ADAM23: variants seen among roughly 807,000 people sequenced by gnomAD.
ADAM23 encodes disintegrin and metalloproteinase domain-containing protein 23.
ADAM23 carries 33 observed loss-of-function variants against 120.1 expected under a neutral mutation model. The ratio of observed to expected loss-of-function variants is 0.27; its 90% CI spans 0.21 to 0.37. The LOEUF is 0.37. Among genes scored for constraint, ADAM23 ranks in the 10% least tolerant of loss-of-function variants. ADAM23 has a pLI of 1.00. For missense variants in ADAM23, 862 were observed against 1,058.2 expected (o/e 0.81, Z 2.57); for synonymous variants, 367 against 375.2 (o/e 0.98, Z 0.25).
At chr2:206,480,598 A>G (rs1001893078) in intron 2 of ADAM23, among the ~76,000 whole-genome samples, 2 of 152,124 alleles carry the variant, frequency 1.3e-5, no homozygotes, top group Non-Finnish European at 2.9e-5. Flanking sequence ...ACATCTAGTA[A>G]ATAGGATTCA....
At chr2:206,533,509 T>C (rs991990414) in intron 4 of ADAM23, among the ~76,000 whole-genome samples, 2 of 152,186 alleles carry the variant, frequency 1.3e-5, no homozygotes, top group African/African-American at 4.8e-5. Context: ...GGCTCAAAGA[T>C]CTCAAATTGT....
chr2:206,448,611 C>T lies in ADAM23; in HGVS notation c.432+3087C>T, dbSNP rs567401998. ...CACATTATTAGAGGTTTGGGATTTG[C>T]ACCCCACAACCCCAAAGAGAGAGGC... On this transcript the variant is annotated intron_variant, in intron 2 of 25. Transcript: ENST00000264377. Among the ~76,000 whole-genome samples, 755 of 152,226 alleles carry T rather than the reference C, an allele frequency of 5.0e-3. 1 individual carries two copies. The highest frequency in any genetic ancestry group is 0.014 in the Middle Eastern group (4 of 294).
chr2:206,594,806 G>C lies in ADAM23; in HGVS notation c.2148G>C (p.Pro716=). The C allele has an allele frequency of 1.2e-6, 2 of 1,614,182 alleles. No individual in the cohort carries two copies. The highest frequency in any genetic ancestry group is 1.7e-6 in the Non-Finnish European group (2 of 1,180,014). ...TAGAAGATGGAACGCCATGTGGCCCGTCTATGATGTGTTTAGATCGGAAGT... is the reference window on the plus strand; with the variant it reads ...TAGAAGATGGAACGCCATGTGGCCCCTCTATGATGTGTTTAGATCGGAAGT... ...GYVEDGTPCG[P]SMMCLDRKCL... is the part of the protein sequence containing the mutation. The change falls in exon 23 of 26, where the codon CCG becomes CCC. Residue 716 remains proline (P), a synonymous_variant. Transcript: ENST00000264377.
chr2:206,549,714 CG>C (rs1553559789), intron 8 of ADAM23, among the ~76,000 whole-genome samples: 4 of 151,748 alleles, frequency 2.6e-5, no homozygotes, highest in Non-Finnish European at 5.9e-5. Context: ...TTTTCATTGA[CG>C]TTTTAAGTAA....
intron 3 of ADAM23, among the ~76,000 whole-genome samples, chr2:206,494,440 TCATAGGGAAA>T (rs1443179162): frequency 6.6e-6 from 1 of 152,190 alleles, no homozygotes; most frequent in Non-Finnish European, 1.5e-5. Flanking sequence ...CTATGCCAGC[TCATAGGGAAA>T]CAAGAATAAG....
At chr2:206,540,388 C>G (rs562073891) in intron 4 of ADAM23, among the ~76,000 whole-genome samples, 6 of 152,242 alleles carry the variant, frequency 3.9e-5, no homozygotes, top group Non-Finnish European at 7.4e-5. Flanking sequence ...GTGGTTTCCA[C>G]AGGGCCGACT....
intron 2 of ADAM23, among the ~76,000 whole-genome samples, chr2:206,479,206 T>TC (rs1397612483): frequency 6.6e-6 from 1 of 152,206 alleles, no homozygotes; most frequent in Admixed American, 6.5e-5. Context: ...ATTGTGTAAC[T>TC]CCTACAATTC....
chr2:206,588,563 T>A (rs1304069884), intron 20 of ADAM23, among the ~76,000 whole-genome samples: 1 of 152,220 alleles, frequency 6.6e-6, no homozygotes, highest in African/African-American at 2.4e-5. Context: ...GACTTATTTT[T>A]TAAATTTTGT....
intron 6 of ADAM23, among the ~76,000 whole-genome samples, chr2:206,544,965 A>G (rs1019264010): frequency 9.2e-5 from 14 of 152,112 alleles, no homozygotes; most frequent in African/African-American, 2.9e-4. Context: ...TTGAGGCAGG[A>G]GTGTGCCTAG....
chr2:206,549,238 ACT>A (rs1234357309), intron 8 of ADAM23, among the ~76,000 whole-genome samples: 1 of 151,042 alleles, frequency 6.6e-6, no homozygotes, highest in African/African-American at 2.4e-5. Flanking sequence ...CTTTTATGAA[ACT>A]CTTATGATAA....
At chr2:206,465,679 A>C (rs961274856) in intron 2 of ADAM23, among the ~76,000 whole-genome samples, 3 of 152,208 alleles carry the variant, frequency 2.0e-5, no homozygotes, top group Non-Finnish European at 2.9e-5. Context: ...AATTGAAATA[A>C]TATAAAATTG....
At chr2:206,585,586 C>T (rs1051026055) in intron 18 of ADAM23, among the ~76,000 whole-genome samples, 1 of 152,250 alleles carries the variant, frequency 6.6e-6, no homozygotes. Context: ...TCAATATGTG[C>T]AGCATAGAAT....
At chr2:206,539,373 C>T (rs947751435) in intron 4 of ADAM23, among the ~76,000 whole-genome samples, 2 of 152,186 alleles carry the variant, frequency 1.3e-5, no homozygotes, top group African/African-American at 4.8e-5. Flanking sequence ...TCCCTGCTGC[C>T]ATTTGCCACG....
chr2:206,499,546 G>C (rs1023633700), intron 3 of ADAM23, among the ~76,000 whole-genome samples: 2 of 150,890 alleles, frequency 1.3e-5, no homozygotes, highest in African/African-American at 4.9e-5. Context: ...GCTAAATGAC[G>C]AGTTAATGGG....
chr2:206,616,158 A>T (rs1006231678), intron 25 of ADAM23, among the ~76,000 whole-genome samples: 3 of 152,132 alleles, frequency 2.0e-5, no homozygotes, highest in South Asian at 2.1e-4. Context: ...CCTTCCAGGG[A>T]TATGAACATA....
At chr2:206,566,136 A>G (rs535858258) in intron 14 of ADAM23, among the ~76,000 whole-genome samples, 139 of 150,900 alleles carry the variant, frequency 9.2e-4, no homozygotes, top group Admixed American at 2.1e-3. Context: ...TCTGTCTTCT[A>G]AATTAATCTC....
At chr2:206,580,808 T>A (rs1316223492) in intron 18 of ADAM23, among the ~76,000 whole-genome samples, 1 of 152,104 alleles carries the variant, frequency 6.6e-6, no homozygotes, top group Non-Finnish European at 1.5e-5. Context: ...ATTCTTTGAA[T>A]GTCTGGTAGA....
chr2:206,545,062 TA>T (rs1697367559), intron 6 of ADAM23, among the ~76,000 whole-genome samples: 4 of 151,952 alleles, frequency 2.6e-5, no homozygotes, highest in Admixed American at 2.6e-4. Flanking sequence ...CACTGAGAGG[TA>T]ACAGTACAGA....
At chr2:206,522,553 G>A (rs555634966) in intron 3 of ADAM23, among the ~76,000 whole-genome samples, 14 of 152,252 alleles carry the variant, frequency 9.2e-5, no homozygotes, top group African/African-American at 3.1e-4. Flanking sequence ...AGTTTCTTCT[G>A]TACAAGGTTA....
Sources: allele counts gnomAD v4.1 joint callset (sites outside exome capture counted in the v4.1 genomes callset), GRCh38; gene constraint gnomAD v4.1.1; transcripts MANE v1.5; gene names NCBI Gene and HGNC (gene_info 2026-07-23, HGNC 2026-07-21).